Variants in ANK1 observed in about 807,000 individuals in gnomAD.
The protein encoded by ANK1 is ankyrin 1, also known as ankyrin-1.
Under a neutral mutation model 210.4 loss-of-function variants are expected in ANK1, and 51 were observed. The ratio of observed to expected loss-of-function variants is 0.24; its 90% CI spans 0.19 to 0.31. The LOEUF (loss-of-function observed/expected upper bound fraction) is 0.31. Among genes scored for constraint, ANK1 ranks in the 10% least tolerant of loss-of-function variants. The pLI is 1.00. For missense variants in ANK1, 2,051 were observed against 2,504.4 expected (o/e 0.82, Z 3.86); for synonymous variants, 967 against 1,025.9 (o/e 0.94, Z 1.10).
intron 37 of ANK1, among the ~76,000 whole-genome samples, chr8:41,681,679 A>T (rs1224760535): frequency 0.014 from 2,081 of 151,728 alleles, 60 homozygotes; most frequent in African/African-American, 0.048. Flanking sequence ...GCACCAGGTC[A>T]GGCCATCACG....
chr8:41,719,603 C>G lies in ANK1; in HGVS notation c.1107+58G>C, dbSNP rs7823698. The G allele has an allele frequency of 0.091, 146,423 of 1,608,528 alleles. 8,634 individuals carry two copies. Among genetic ancestry groups the G allele is most frequent in the African/African-American group, 0.28 (21,142 of 74,808 alleles). Reference sequence around the variant, plus strand: ...CCACAGGCCCAGCCATGCCTCTCTGCTCCTGCCCCCAGCCTGCCCTGCCAC... The same window carrying G: ...CCACAGGCCCAGCCATGCCTCTCTGGTCCTGCCCCCAGCCTGCCCTGCCAC... On this transcript the variant is annotated intron_variant, in intron 10 of 42. Coordinates refer to ENST00000289734, the MANE Select transcript of ANK1 (RefSeq NM_000037.4).
chr8:41,673,264 A>G (rs889885816), intron 37 of ANK1, among the ~76,000 whole-genome samples: 1 of 152,142 alleles, frequency 6.6e-6, no homozygotes, highest in Non-Finnish European at 1.5e-5. Flanking sequence ...TTGTGCTCCA[A>G]TCTGTCTCTG....
rs765699964 is a variant in ANK1 at position 41,893,235 on chromosome 8, G to C, written c.126+3120C>G. On this transcript the variant is annotated intron_variant, in intron 1 of 42. Transcript: ENST00000265709. ...TCATGCAAATGCCTGCTTTACACATGCTTTGCAATGTATTTCCATTCCAAC... is the reference window on the plus strand; with the variant it reads ...TCATGCAAATGCCTGCTTTACACATCCTTTGCAATGTATTTCCATTCCAAC... Among the ~76,000 whole-genome samples the C allele has an allele frequency of 7.2e-5, 11 of 152,278 alleles. No homozygotes were observed. The South Asian group carries it at 8.3e-4, about 11-fold the overall frequency.
chr8:41,886,169 A>C (rs1818408941), intron 1 of ANK1, among the ~76,000 whole-genome samples: 2 of 152,154 alleles, frequency 1.3e-5, no homozygotes, highest in African/African-American at 2.4e-5. Context: ...TCTCTCTGCC[A>C]CCCACCCCTA....
rs1530327 is a variant in ANK1, at chr8:41,694,372, G to T, written c.3327+220C>A. Among the ~76,000 whole-genome samples the T allele has an allele frequency of 6.6e-6, 1 of 152,342 alleles. No individual in the cohort carries two copies. The highest frequency in any genetic ancestry group is 1.5e-5 in the Non-Finnish European group (1 of 68,022). On this transcript the variant is annotated intron_variant, in intron 28 of 42. Coordinates refer to ENST00000289734, the MANE Select transcript of ANK1 (RefSeq NM_000037.4). This position sits in a 1 kb window ranked among gnomAD's most constrained non-coding sequence, Gnocchi z 5.7. ...TCCTGCATGCTGCACAGACTGGGCCGTGCAGCTTGATGGGTTACCAGGGGT... is the reference window on the plus strand; with the variant it reads ...TCCTGCATGCTGCACAGACTGGGCCTTGCAGCTTGATGGGTTACCAGGGGT...
intron 1 of ANK1, among the ~76,000 whole-genome samples, chr8:41,830,170 T>A (rs111957261): frequency 4.6e-5 from 7 of 151,232 alleles, no homozygotes; most frequent in African/African-American, 1.5e-4. Context: ...GCACTGCAGT[T>A]CTCTGGGCAG....
chr8:41,890,930 G>A (rs1220400948), intron 1 of ANK1, among the ~76,000 whole-genome samples: 1 of 152,190 alleles, frequency 6.6e-6, no homozygotes, highest in Non-Finnish European at 1.5e-5. Context: ...TAGATATCTA[G>A]TGAATGGTTA....
intron 38 of ANK1, among the ~76,000 whole-genome samples, chr8:41,669,486 G>C (rs1047403642): frequency 6.6e-6 from 1 of 152,034 alleles, no homozygotes; most frequent in South Asian, 2.1e-4. Flanking sequence ...GTAGAGATGG[G>C]TTCTGGCTCA....
Position 41,721,193 on chromosome 8 carries a change from C to T in ANK1, c.910-1335G>A, listed in dbSNP as rs182751714. Among the ~76,000 whole-genome samples, 15 of 152,222 alleles carry T rather than the reference C, an allele frequency of 9.9e-5. No individual in the cohort carries two copies. The East Asian group carries it at 2.3e-3, about 24-fold the overall frequency. The stretch of plus-strand genomic sequence containing the variant: ...AGTGTGAGTTCTAATCTATGACTGG[C>T]GTCCTTAGAAACAGGGAGATTTGGG... On this transcript the variant is annotated intron_variant, in intron 9 of 42. Coordinates refer to ENST00000289734, the MANE Select transcript of ANK1 (RefSeq NM_000037.4).
intron 38 of ANK1, among the ~76,000 whole-genome samples, chr8:41,670,442 C>A (rs889548487): frequency 6.6e-6 from 1 of 152,082 alleles, no homozygotes; most frequent in Non-Finnish European, 1.5e-5. Flanking sequence ...CAGCATGCAG[C>A]CCCTGCAGGT....
intron 37 of ANK1, among the ~76,000 whole-genome samples, chr8:41,676,078 A>G (rs973172528): frequency 1.3e-5 from 2 of 152,232 alleles, no homozygotes; most frequent in Non-Finnish European, 2.9e-5. Flanking sequence ...GCTAGTCTGT[A>G]TGGACATAAT....
intron 2 of ANK1, among the ~76,000 whole-genome samples, chr8:41,734,838 G>T (rs541391550): frequency 6.2e-4 from 95 of 152,132 alleles, no homozygotes; most frequent in African/African-American, 2.1e-3. Flanking sequence ...AGGAGTTTGA[G>T]GCTACAGTGA....
chr8:41,857,610 T>C (rs752192113), intron 1 of ANK1, among the ~76,000 whole-genome samples: 1 of 151,938 alleles, frequency 6.6e-6, no homozygotes, highest in African/African-American at 2.4e-5. Context: ...TGGTGGCACA[T>C]GCCTGTAATC....
chr8:41,715,510 C>A, intron 14 of ANK1, 142 bp downstream of exon 14: 2 of 1,101,810 alleles, frequency 1.8e-6, no homozygotes, highest in Non-Finnish European at 2.6e-6. Context: ...AGGTGGTGGC[C>A]AGCCCTGAGT....
At chr8:41,703,595 CA>C (rs1183169801) in intron 20 of ANK1, among the ~76,000 whole-genome samples, 1 of 150,824 alleles carries the variant, frequency 6.6e-6, no homozygotes, top group Non-Finnish European at 1.5e-5. Flanking sequence ...GCTATCCTCC[CA>C]CTTCAGCCTC....
intron 26 of ANK1, among the ~76,000 whole-genome samples, chr8:41,695,783 G>A (rs977103935): frequency 1.3e-5 from 2 of 152,242 alleles, no homozygotes; most frequent in African/African-American, 4.8e-5. Flanking sequence ...CAGGAGGGCG[G>A]ACAGAGGTAG....
rs967585105 is a variant in ANK1 at position 41,717,097 on chromosome 8, C to T, written c.1306-46G>A. 2.5e-6 allele frequency: 4 copies of T among 1,600,658 alleles called. No homozygotes were observed. In the African/African-American group the frequency reaches 5.4e-5, roughly 21 times the overall value. On this transcript the variant is annotated intron_variant, in intron 12 of 42. Transcript: ENST00000289734. ...AGAACTGTTCATACATGCCTGCTGTCCAAAACGGCACACACAGAGCTAGGA... is the reference window on the plus strand; with the variant it reads ...AGAACTGTTCATACATGCCTGCTGTTCAAAACGGCACACACAGAGCTAGGA...
At chr8:41,668,705 C>T in intron 38 of ANK1, 141 bp from the exon 39 acceptor site, 1 of 982,830 alleles carries the variant, frequency 1.0e-6, no homozygotes, top group South Asian at 1.7e-5. Context: ...TCCCATCCCT[C>T]CAAAGGTCAG....
intron 1 of ANK1, among the ~76,000 whole-genome samples, chr8:41,819,128 T>G (rs1159661878): frequency 6.6e-6 from 1 of 152,240 alleles, no homozygotes; most frequent in African/African-American, 2.4e-5. Context: ...AGCAACCCTC[T>G]TCTGGGTCCC....
Sources: allele counts gnomAD v4.1 joint callset (sites outside exome capture counted in the v4.1 genomes callset), GRCh38; gene constraint gnomAD v4.1.1; non-coding constraint Gnocchi (gnomAD v3.1); transcripts MANE v1.5; gene names NCBI Gene and HGNC (gene_info 2026-07-23, HGNC 2026-07-21).